RABGAP1L: variants seen among roughly 807,000 people sequenced by gnomAD.
RABGAP1L encodes RAB GTPase activating protein 1 like.
Under a neutral mutation model 137.7 loss-of-function variants are expected in RABGAP1L, and 63 were observed. That is an observed-to-expected ratio of 0.46 (90% CI 0.37 to 0.56). The LOEUF is 0.56. Among genes scored for constraint, RABGAP1L ranks in the 20% least tolerant of loss-of-function variants. RABGAP1L has a pLI of 0.00. For missense variants in RABGAP1L, 1,095 were observed against 1,244.0 expected (o/e 0.88, Z 1.80); for synonymous variants, 431 against 433.7 (o/e 0.99, Z 0.08).
At chr1:174,664,734 CTTTTTTTT>C (rs71701825) in intron 14 of RABGAP1L, among the ~76,000 whole-genome samples, 1,320 of 97,590 alleles carry the variant, frequency 0.014, 41 homozygotes, top group African/African-American at 0.06. Flanking sequence ...TTTCTGCTTT[CTTTTTTTT>C]TTTTTTTTTT....
intron 18 of RABGAP1L, among the ~76,000 whole-genome samples, chr1:174,755,481 TCCG>T (rs894460184): frequency 6.6e-6 from 1 of 152,214 alleles, no homozygotes; most frequent in African/African-American, 2.4e-5. Flanking sequence ...TTGTTTGCTG[TCCG>T]TGGTTAAAAG....
chr1:174,672,917 C>T (rs1057348378), intron 14 of RABGAP1L, among the ~76,000 whole-genome samples: 13 of 152,144 alleles, frequency 8.5e-5, no homozygotes, highest in African/African-American at 3.1e-4. Flanking sequence ...ATGAACAAAT[C>T]TCAGAGTTCC....
At chr1:174,248,356 T>C (rs1264297382) in intron 5 of RABGAP1L, among the ~76,000 whole-genome samples, 1 of 152,224 alleles carries the variant, frequency 6.6e-6, no homozygotes, top group Non-Finnish European at 1.5e-5. Flanking sequence ...ATGAGTTTAT[T>C]GTCTTAATTA....
chr1:174,464,427 C>G (rs765161629), intron 13 of RABGAP1L, among the ~76,000 whole-genome samples: 10 of 152,168 alleles, frequency 6.6e-5, no homozygotes, highest in African/African-American at 2.4e-4. Context: ...TACCTTTTCT[C>G]CAGGAGCATA....
At chr1:174,977,619 C>T (rs775928621) in intron 22 of RABGAP1L, among the ~76,000 whole-genome samples, 2 of 152,158 alleles carry the variant, frequency 1.3e-5, no homozygotes, top group Non-Finnish European at 2.9e-5. Context: ...CTGTTTTAAT[C>T]ATTATGGTAC....
At chr1:174,282,264 T>C (rs1421502027) in intron 10 of RABGAP1L, among the ~76,000 whole-genome samples, 2 of 152,236 alleles carry the variant, frequency 1.3e-5, no homozygotes, top group Non-Finnish European at 2.9e-5. Flanking sequence ...GCAGTATATG[T>C]GTGTCCCAAT....
At chr1:174,346,061 T>C (rs1047615502) in intron 11 of RABGAP1L, among the ~76,000 whole-genome samples, 1 of 152,216 alleles carries the variant, frequency 6.6e-6, no homozygotes, top group Non-Finnish European at 1.5e-5. Flanking sequence ...GATTTGTGTA[T>C]GTTGAATCAT....
At chr1:174,717,450 A>C (rs1681112432) in intron 17 of RABGAP1L, among the ~76,000 whole-genome samples, 1 of 152,138 alleles carries the variant, frequency 6.6e-6, no homozygotes, top group Non-Finnish European at 1.5e-5. Context: ...ATGAAAGATA[A>C]ATATCCAATA....
At chr1:174,276,054 A>T (rs2148670799) in intron 9 of RABGAP1L, 119 bp downstream of exon 9, 1 of 670,506 alleles carries the variant, frequency 1.5e-6, no homozygotes, top group Non-Finnish European at 2.5e-6. Flanking sequence ...TTCATTGAGA[A>T]TTTGAGGTTC....
chr1:174,521,270 G>C (rs1048465607), intron 13 of RABGAP1L, among the ~76,000 whole-genome samples: 1 of 152,184 alleles, frequency 6.6e-6, no homozygotes, highest in Admixed American at 6.5e-5. Flanking sequence ...CAAAGCATCT[G>C]TTCATTTTAA....
chr1:174,620,161 T>A (rs913697701), intron 13 of RABGAP1L, among the ~76,000 whole-genome samples: 12 of 152,152 alleles, frequency 7.9e-5, no homozygotes, highest in African/African-American at 2.9e-4. Flanking sequence ...TGCAAGAGAC[T>A]TAGACTCCCA....
At chr1:174,269,501 G>T (rs1674374246) in intron 7 of RABGAP1L, among the ~76,000 whole-genome samples, 1 of 152,162 alleles carries the variant, frequency 6.6e-6, no homozygotes, top group Admixed American at 6.5e-5. Context: ...CAAAACCATT[G>T]TTTTTGAAAA....
chr1:174,847,306 C>T (rs1327561409), intron 19 of RABGAP1L, among the ~76,000 whole-genome samples: 1 of 151,588 alleles, frequency 6.6e-6, no homozygotes, highest in South Asian at 2.1e-4. Context: ...TTAGTTGATG[C>T]AGTTTCTTCT....
At chr1:174,939,429 G>A (rs532996349) in intron 19 of RABGAP1L, among the ~76,000 whole-genome samples, 174 of 151,932 alleles carry the variant, frequency 1.1e-3, no homozygotes, top group African/African-American at 3.9e-3. Context: ...GTGGTGGTGC[G>A]TGCCTGTTAC....
chr1:174,848,770 C>T lies in RABGAP1L; in HGVS notation c.2340+36810C>T, dbSNP rs1206325168. On this transcript the variant is annotated intron_variant, in intron 19 of 25. Coordinates refer to ENST00000681986, the MANE Select transcript of RABGAP1L (RefSeq NM_001366446.1). ...GTGGGCTCCACCCAGTTCGAGCTTC[C>T]CGGCTGCTTTGTTTACCTAAGCAAG... Among the ~76,000 whole-genome samples the T allele has an allele frequency of 4.9e-3, 732 of 149,730 alleles. 10 individuals are homozygous for T. Among genetic ancestry groups the T allele is most frequent in the African/African-American group, 0.015 (606 of 40,174 alleles).
At chr1:174,732,976 T>C (rs1682620128) in intron 17 of RABGAP1L, among the ~76,000 whole-genome samples, 1 of 143,918 alleles carries the variant, frequency 6.9e-6, no homozygotes, top group African/African-American at 2.8e-5. Context: ...AGTGTTTTTT[T>C]ATATAGTAAC....
intron 12 of RABGAP1L, among the ~76,000 whole-genome samples, chr1:174,373,848 C>T (rs1283123404): frequency 6.6e-6 from 1 of 152,154 alleles, no homozygotes; most frequent in Non-Finnish European, 1.5e-5. Flanking sequence ...TCAGCCCTTA[C>T]ATCTTTGAGC....
intron 13 of RABGAP1L, among the ~76,000 whole-genome samples, chr1:174,444,383 A>T (rs1427048110): frequency 6.6e-6 from 1 of 151,940 alleles, no homozygotes; most frequent in Non-Finnish European, 1.5e-5. Context: ...TCTCAGGGAT[A>T]TTGGCCTCCT....
chr1:174,266,243 G>C (rs1328320345), intron 7 of RABGAP1L, among the ~76,000 whole-genome samples: 1 of 152,106 alleles, frequency 6.6e-6, no homozygotes, highest in Non-Finnish European at 1.5e-5. Flanking sequence ...GAGAAGATTA[G>C]CTAGTAACTG....
Sources: gnomAD v4.1 joint callset for allele counts (sites outside exome capture counted in the v4.1 genomes callset) on GRCh38, gnomAD v4.1.1 for gene constraint, MANE v1.5 for transcripts, NCBI Gene and HGNC (gene_info 2026-07-23, HGNC 2026-07-21) for gene names.